Variants in RGPD2 observed in about 807,000 individuals in gnomAD.
RGPD2 encodes RANBP2 like and GRIP domain containing 2, also known as RANBP2-like and GRIP domain-containing protein 2.
Under a neutral mutation model 36.0 loss-of-function variants are expected in RGPD2, and 2 were observed. The ratio of observed to expected loss-of-function variants is 0.06; its 90% CI spans 0.02 to 0.17. The LOEUF (loss-of-function observed/expected upper bound fraction) is 0.17. Ranked by LOEUF, RGPD2 falls within the 10% of genes least tolerant of loss-of-function variation. The pLI is 1.00. For synonymous variants in RGPD2, 19 were observed against 163.8 expected (o/e 0.12, Z 6.75); for missense variants, 40 against 464.3 (o/e 0.09, Z 8.40).
chr2:87,915,491 A>G, the RGPD2 span, among the ~76,000 whole-genome samples: 1 of 119,542 alleles, frequency 8.4e-6, no homozygotes, highest in Non-Finnish European at 1.7e-5. Flanking sequence ...ATGTGTGTAT[A>G]TACGTATATA....
At chr2:87,866,818 G>C in the RGPD2 span, among the ~76,000 whole-genome samples, 1 of 152,122 alleles carries the variant, frequency 6.6e-6, no homozygotes, top group Non-Finnish European at 1.5e-5. Flanking sequence ...CACGTGGCTA[G>C]TTGGCCAGCA....
At chr2:87,912,980 C>A in the RGPD2 span, among the ~76,000 whole-genome samples, 2 of 151,138 alleles carry the variant, frequency 1.3e-5, no homozygotes, top group African/African-American at 2.4e-5. Flanking sequence ...GCCATTGGGA[C>A]AATTTAATGT....
the RGPD2 span, among the ~76,000 whole-genome samples, chr2:87,925,850 T>TG: frequency 7.0e-6 from 1 of 143,690 alleles, no homozygotes; most frequent in Non-Finnish European, 1.5e-5. Flanking sequence ...CACTTTTTGA[T>TG]GGGTTTTTTT....
At position 87,756,714 on chromosome 2, in the gene RGPD2, CAG is replaced by C. The variant is rs1469273700; in HGVS notation, c.*676_*677del. ...AAGATGATCTTTTAGAAAGCAGAAA[CAG>C]GGGGTCTGGTGCATGAGATCTTTTT... On this transcript the variant is annotated 3_prime_UTR_variant, in exon 23 of 23. Transcript: ENST00000398146. The C allele has an allele frequency of 9.5e-5, 52 of 544,982 alleles. 1 individual carries two copies. The highest frequency in any genetic ancestry group is 2.0e-4 in the Admixed American group (7 of 34,464). 33.8% of individuals were successfully genotyped at this position (544,982 alleles called of 1,614,324 possible).
At chr2:87,769,788 A>G (rs1447646316) in intron 22 of RGPD2, among the ~76,000 whole-genome samples, 3 of 150,218 alleles carry the variant, frequency 2.0e-5, no homozygotes, top group Non-Finnish European at 4.5e-5. Context: ...CTTGTTTTTT[A>G]TAGGGGCAGT....
the RGPD2 span, among the ~76,000 whole-genome samples, chr2:87,913,423 T>C: frequency 5.9e-5 from 9 of 151,928 alleles, no homozygotes; most frequent in Admixed American, 5.2e-4. Flanking sequence ...GGGATAGCAT[T>C]GGGAGATATA....
chr2:87,758,209 A>AGTTTT (rs769737738), intron 22 of RGPD2, among the ~76,000 whole-genome samples: 2 of 150,456 alleles, frequency 1.3e-5, no homozygotes, highest in African/African-American at 2.5e-5. Context: ...TGCTTAGGCA[A>AGTTTT]GTTTTGTTTT....
chr2:87,871,688 A>C, the RGPD2 span, among the ~76,000 whole-genome samples: 13 of 152,156 alleles, frequency 8.5e-5, no homozygotes, highest in Admixed American at 8.5e-4. Flanking sequence ...CAACATGGAG[A>C]AACCCTGTCT....
At chr2:87,949,155 GAAAAT>G in the RGPD2 span, among the ~76,000 whole-genome samples, 1 of 145,720 alleles carries the variant, frequency 6.9e-6, no homozygotes, top group South Asian at 2.2e-4. Context: ...AAAAAAAAAA[GAAAAT>G]AAAAAAAGCA....
chr2:87,844,346 A>G, the RGPD2 span, among the ~76,000 whole-genome samples: 1 of 150,864 alleles, frequency 6.6e-6, no homozygotes, highest in Admixed American at 6.6e-5. Context: ...TTTTGCAGTT[A>G]TGATATTTTT....
At chr2:87,829,214 C>G (rs1161139781), upstream of RGPD2, among the ~76,000 whole-genome samples, 2 of 61,474 alleles carry the variant, frequency 3.3e-5, no homozygotes, top group East Asian at 9.0e-4. Context: ...GATACATGTA[C>G]TCAAATATTT....
At chr2:87,876,334 A>C in the RGPD2 span, among the ~76,000 whole-genome samples, 1 of 151,926 alleles carries the variant, frequency 6.6e-6, no homozygotes, top group African/African-American at 2.4e-5. Flanking sequence ...TGTTAACTTG[A>C]GTTCTTTTTA....
At chr2:87,881,123 G>A in the RGPD2 span, among the ~76,000 whole-genome samples, 1 of 152,004 alleles carries the variant, frequency 6.6e-6, no homozygotes, top group Non-Finnish European at 1.5e-5. Context: ...GCACACTAGT[G>A]CAAGGGGTGG....
the RGPD2 span, among the ~76,000 whole-genome samples, chr2:87,939,648 A>C: frequency 6.6e-6 from 1 of 151,822 alleles, no homozygotes; most frequent in African/African-American, 2.4e-5. Flanking sequence ...GAAATGAACC[A>C]GATCAGCAAT....
Position 87,806,763 on chromosome 2 carries a change from T to C in RGPD2, c.908A>G (p.His303Arg). The change falls in exon 7 of 23, where the codon CAT becomes CGT. Residue 303 changes from histidine to arginine, a missense_variant. His to Arg is a conservative substitution (Grantham distance 29). Transcript: ENST00000398146. ...AGCTTGCCATTGAACATTATTACCA[T>C]GCTGACCCATCTTCAAGAGCAGAGA... is the stretch of plus-strand genomic sequence containing the variant. Reference protein sequence around the residue: ...AGSLLLKMGQHGNNVQWQALS... With the variant: ...AGSLLLKMGQRGNNVQWQALS... The C allele has an allele frequency of 3.4e-5, 3 of 87,072 alleles. No homozygotes were observed. Among genetic ancestry groups the C allele is most frequent in the South Asian group, 2.0e-4 (3 of 14,692 alleles). 5.4% of individuals were successfully genotyped at this position (87,072 alleles called of 1,614,324 possible).
chr2:87,951,993 A>AC, the RGPD2 span, among the ~76,000 whole-genome samples: 3 of 152,024 alleles, frequency 2.0e-5, no homozygotes, highest in African/African-American at 7.2e-5. Context: ...CTAATTGCCT[A>AC]CCCACTTGTA....
At chr2:87,864,250 G>A in the RGPD2 span, among the ~76,000 whole-genome samples, 1 of 152,252 alleles carries the variant, frequency 6.6e-6, no homozygotes, top group Non-Finnish European at 1.5e-5. Context: ...AAATAAAAAG[G>A]CAGAGAAAGG....
At chr2:87,980,022 C>T in the RGPD2 span, among the ~76,000 whole-genome samples, 1 of 151,198 alleles carries the variant, frequency 6.6e-6, no homozygotes, top group South Asian at 2.1e-4. Context: ...AATTACACCA[C>T]AATTTAAAAA....
chr2:87,818,678 T>G, intron 1 of RGPD2, 55 bp from the exon 2 acceptor site: 1 of 1,276,014 alleles, frequency 7.8e-7, no homozygotes, highest in Non-Finnish European at 1.1e-6. Flanking sequence ...TTCCAACATT[T>G]TTTCAAAAGT....
Sources: gnomAD v4.1 joint callset for allele counts (sites outside exome capture counted in the v4.1 genomes callset) on GRCh38, gnomAD v4.1.1 for gene constraint, MANE v1.5 for transcripts, NCBI Gene and HGNC (gene_info 2026-07-23, HGNC 2026-07-21) for gene names.